TENM4: variants seen among roughly 807,000 people sequenced by gnomAD.
TENM4 encodes teneurin transmembrane protein 4, also known as teneurin-4.
In TENM4, 82 loss-of-function variants were observed where a neutral mutation model predicts 243.3. The ratio of observed to expected loss-of-function variants is 0.34; its 90% CI spans 0.28 to 0.40. TENM4 has a LOEUF of 0.40. Ranked by LOEUF, TENM4 falls within the 10% of genes least tolerant of loss-of-function variation. The pLI, the probability that TENM4 is intolerant of heterozygous loss-of-function variation, is 1.00. For missense variants in TENM4, 3,138 were observed against 3,673.3 expected (o/e 0.85, Z 3.77); for synonymous variants, 1,412 against 1,456.3 (o/e 0.97, Z 0.69).
intron 23 of TENM4, among the ~76,000 whole-genome samples, chr11:78,723,516 T>C (rs542475946): frequency 6.6e-6 from 1 of 152,344 alleles, no homozygotes; most frequent in African/African-American, 2.4e-5. Flanking sequence ...AGCGACAGGC[T>C]TTTACCTGGC....
At chr11:79,113,816 T>TGGAGAAGGA (rs1861562256) in intron 4 of TENM4, among the ~76,000 whole-genome samples, 1 of 152,034 alleles carries the variant, frequency 6.6e-6, no homozygotes, top group East Asian at 1.9e-4. Flanking sequence ...CTTATAGGAG[T>TGGAGAAGGA]GGAGAAGGAC....
At chr11:78,868,075 T>TA (rs1859028859) in intron 9 of TENM4, among the ~76,000 whole-genome samples, 1 of 8,760 alleles carries the variant, frequency 1.1e-4, no homozygotes. Context: ...GAGCCACAGA[T>TA]TAAAAAAAAA....
In TENM4 at chr11:78,891,475, G is replaced by C. The variant is rs963882875; in HGVS notation, c.750-139C>G. The stretch of plus-strand genomic sequence containing the variant: ...GACACGGTTTCCAGGCAATGGGTCA[G>C]TGTGCAAGCCACATGTGCAAGGGGT... On this transcript the variant is annotated intron_variant, in intron 7 of 33. Transcript: ENST00000278550. 12 of 719,806 alleles carry C rather than the reference G, an allele frequency of 1.7e-5. No individual in the cohort carries two copies. The African/African-American group carries it at 2.1e-4, about 12-fold the overall frequency. 44.6% of individuals were successfully genotyped at this position (719,806 alleles called of 1,614,324 possible). A position where few individuals can be genotyped will look rare whatever the true frequency, so the allele number is the denominator to read the frequency against.
intron 6 of TENM4, among the ~76,000 whole-genome samples, chr11:78,968,992 C>T (rs895191734): frequency 3.9e-5 from 6 of 152,170 alleles, no homozygotes; most frequent in Non-Finnish European, 7.3e-5. Context: ...AGTCACTTTA[C>T]TTCTCTTAGT....
intron 4 of TENM4, among the ~76,000 whole-genome samples, chr11:79,078,971 A>G (rs949043135): frequency 2.6e-5 from 4 of 152,208 alleles, no homozygotes; most frequent in African/African-American, 9.6e-5. Flanking sequence ...AATTGGCTTA[A>G]ATGTTCTATT....
At chr11:79,009,379 T>G (rs1056230387) in intron 6 of TENM4, among the ~76,000 whole-genome samples, 5 of 152,290 alleles carry the variant, frequency 3.3e-5, no homozygotes, top group African/African-American at 1.2e-4. Context: ...ATTGTTCTTA[T>G]GAGCCTCACC....
At chr11:78,808,797 C>G (rs1400118673) in intron 14 of TENM4, among the ~76,000 whole-genome samples, 2 of 152,152 alleles carry the variant, frequency 1.3e-5, no homozygotes, top group Non-Finnish European at 1.5e-5. Flanking sequence ...AGAGCATGAC[C>G]TGTTGGAATG....
rs1857892973 is a variant in TENM4, at chr11:78,656,313, G to T, written c.*1745C>A. ...TCAGAATTCATTTTCCACACTTAAT[G>T]TAAATGTAACCCATAAAAGTTCCAT... On this transcript the variant is annotated 3_prime_UTR_variant, in exon 34 of 34. Coordinates refer to ENST00000278550, the MANE Select transcript of TENM4 (RefSeq NM_001098816.3). 1 of 152,220 alleles carries T rather than the reference G, an allele frequency of 6.6e-6. No individual in the cohort carries two copies. The highest frequency in any genetic ancestry group is 1.5e-5 in the Non-Finnish European group (1 of 68,056). 9.4% of individuals were successfully genotyped at this position (152,220 alleles called of 1,614,324 possible).
intron 2 of TENM4, among the ~76,000 whole-genome samples, chr11:79,234,310 C>G (rs1046746784): frequency 2.0e-5 from 3 of 152,042 alleles, no homozygotes; most frequent in Admixed American, 1.3e-4. Flanking sequence ...TGCTGGGCAC[C>G]CTGAAAGCTA....
intron 1 of TENM4, among the ~76,000 whole-genome samples, chr11:79,333,207 G>C (rs1343798695): frequency 6.6e-6 from 1 of 151,738 alleles, no homozygotes; most frequent in Non-Finnish European, 1.5e-5. Context: ...AACAAGGTCT[G>C]TCAGATTTCA....
At chr11:78,958,837 G>A (rs993693587) in intron 6 of TENM4, among the ~76,000 whole-genome samples, 2 of 152,260 alleles carry the variant, frequency 1.3e-5, no homozygotes, top group Non-Finnish European at 2.9e-5. Flanking sequence ...TGCAGTCCCA[G>A]CTGGCCCTAA....
At chr11:78,815,197 C>G (rs147265640) in intron 12 of TENM4, among the ~76,000 whole-genome samples, 1 of 152,060 alleles carries the variant, frequency 6.6e-6, no homozygotes, top group Non-Finnish European at 1.5e-5. Context: ...ACCAGCCTGG[C>G]CAACATGGTG....
At chr11:78,909,401 A>T (rs184977732) in intron 6 of TENM4, among the ~76,000 whole-genome samples, 1 of 152,362 alleles carries the variant, frequency 6.6e-6, no homozygotes, top group Non-Finnish European at 1.5e-5. Context: ...AAACTGACAC[A>T]TAAAGGCTAA....
chr11:79,025,416 G>A (rs901067479), intron 6 of TENM4, among the ~76,000 whole-genome samples: 1 of 152,134 alleles, frequency 6.6e-6, no homozygotes, highest in African/African-American at 2.4e-5. Context: ...CATCCCCCTA[G>A]CTCCGTGAAG....
At chr11:79,410,150 G>A (rs956499865) in intron 1 of TENM4, among the ~76,000 whole-genome samples, 2 of 152,154 alleles carry the variant, frequency 1.3e-5, no homozygotes, top group African/African-American at 4.8e-5. Context: ...GCTGCGGGTT[G>A]GACAAGCTTG....
intron 1 of TENM4, among the ~76,000 whole-genome samples, chr11:79,301,748 G>A (rs961969046): frequency 6.6e-6 from 1 of 152,128 alleles, no homozygotes; most frequent in Non-Finnish European, 1.5e-5. Flanking sequence ...TATCCTCTTA[G>A]TACTGTTCTC....
intron 4 of TENM4, among the ~76,000 whole-genome samples, chr11:79,144,836 G>C (rs911529311): frequency 2.0e-5 from 3 of 151,012 alleles, no homozygotes; most frequent in Non-Finnish European, 4.5e-5. Context: ...AAAAAATATA[G>C]TTAGAATAAA....
intron 1 of TENM4, among the ~76,000 whole-genome samples, chr11:79,432,188 C>T (rs1049830508): frequency 3.3e-5 from 5 of 152,174 alleles, no homozygotes; most frequent in Admixed American, 3.3e-4. Context: ...CTTACATGGT[C>T]TTCTAATTCC....
chr11:79,058,632 C>G (rs1021429892), intron 6 of TENM4, among the ~76,000 whole-genome samples: 11 of 152,070 alleles, frequency 7.2e-5, no homozygotes, highest in African/African-American at 2.7e-4. Context: ...ACTAGCTATG[C>G]ACCCTTCAAT....
Sources: gnomAD v4.1 joint callset for allele counts (sites outside exome capture counted in the v4.1 genomes callset) on GRCh38, gnomAD v4.1.1 for gene constraint, MANE v1.5 for transcripts, NCBI Gene and HGNC (gene_info 2026-07-23, HGNC 2026-07-21) for gene names.